Variants in COX7A2L observed in about 807,000 individuals in gnomAD.
COX7A2L encodes cytochrome c oxidase subunit 7A2 like, also known as cytochrome c oxidase subunit 7A2-like, mitochondrial.
Under a neutral mutation model 14.2 loss-of-function variants are expected in COX7A2L, and 18 were observed. The ratio of observed to expected loss-of-function variants is 1.27; its 90% CI spans 0.88 to 1.88. The LOEUF (loss-of-function observed/expected upper bound fraction) is 1.88. Ranked by LOEUF, COX7A2L falls within the 40% of genes most tolerant of loss-of-function variation. COX7A2L has a pLI of 0.00. For missense variants in COX7A2L, 179 were observed against 138.8 expected (o/e 1.29, Z -1.46); for synonymous variants, 65 against 57.4 (o/e 1.13, Z -0.60).
At chr2:42,352,206 G>C (rs1403250428) in intron 2 of COX7A2L, among the ~76,000 whole-genome samples, 1 of 152,136 alleles carries the variant, frequency 6.6e-6, no homozygotes, top group Non-Finnish European at 1.5e-5. Context: ...GTCTCACTCT[G>C]CTACCCAGGC....
At chr2:42,356,651 G>C (rs1296140279) in intron 1 of COX7A2L, among the ~76,000 whole-genome samples, 1 of 152,222 alleles carries the variant, frequency 6.6e-6, no homozygotes, top group East Asian at 1.9e-4. Flanking sequence ...GACAGGCTGG[G>C]CGTAATGGCT....
At chr2:42,366,228 G>C (rs577920375) in intron 1 of COX7A2L, among the ~76,000 whole-genome samples, 3 of 152,114 alleles carry the variant, frequency 2.0e-5, no homozygotes, top group Non-Finnish European at 4.4e-5. Context: ...CCAGCAGTAC[G>C]AGACCAGCCT....
chr2:42,356,070 C>G (rs1475072263), intron 1 of COX7A2L, among the ~76,000 whole-genome samples: 1 of 152,066 alleles, frequency 6.6e-6, no homozygotes, highest in Non-Finnish European at 1.5e-5. Flanking sequence ...TGCTTTGTCA[C>G]TCAGGCTGGA....
In COX7A2L at chr2:42,353,276, G is replaced by C. The variant is rs750555110; in HGVS notation, c.140C>G (p.Ser47Cys). 3.1e-6 allele frequency: 5 copies of C among 1,614,158 alleles called. No individual in the cohort carries two copies. The South Asian group carries it at 5.5e-5, about 18-fold the overall frequency. The change falls in exon 2 of 3, where the codon TCC (serine) becomes TGC (cysteine). Residue 47 changes from serine to cysteine, a missense_variant. Transcript: ENST00000234301. ...IIFATPTKLT[S>C]DSTVYDYAGK... Reference sequence around the variant, plus strand: ...AGCATAATCATACACTGTGGAATCGGAGGTCAGTTTAGTTGGTGTGGCAAA... The same window carrying C: ...AGCATAATCATACACTGTGGAATCGCAGGTCAGTTTAGTTGGTGTGGCAAA...
intron 1 of COX7A2L, chr2:42,360,798 C>A: frequency 1.2e-5 from 5 of 428,444 alleles, no homozygotes; most frequent in East Asian, 5.1e-5. Flanking sequence ...ACACTGGGGA[C>A]CCCCACAAAC....
At chr2:42,353,154 G>T in intron 2 of COX7A2L, 58 bp downstream of exon 2, 2 of 1,579,966 alleles carry the variant, frequency 1.3e-6, no homozygotes, top group Admixed American at 1.9e-5. Context: ...GTTTCATAAG[G>T]GATTTTTTAA....
intron 2 of COX7A2L, among the ~76,000 whole-genome samples, chr2:42,341,703 G>C (rs901768692): frequency 3.9e-5 from 6 of 152,200 alleles, no homozygotes; most frequent in Admixed American, 3.3e-4. Flanking sequence ...TATAAACAAA[G>C]GCTGCTCTGT....
At chr2:42,340,464 T>C (rs927827638) in intron 2 of COX7A2L, among the ~76,000 whole-genome samples, 1 of 152,102 alleles carries the variant, frequency 6.6e-6, no homozygotes, top group African/African-American at 2.4e-5. Flanking sequence ...AACAAAAACA[T>C]CCTTGCTGGA....
chr2:42,344,615 G>A (rs1368004880), downstream of COX7A2L, among the ~76,000 whole-genome samples: 1 of 152,206 alleles, frequency 6.6e-6, no homozygotes, highest in African/African-American at 2.4e-5. Context: ...CAGTTTGGGA[G>A]GCTGAGGTGG....
intron 1 of COX7A2L, among the ~76,000 whole-genome samples, chr2:42,358,842 G>T (rs1670916290): frequency 6.6e-6 from 1 of 152,076 alleles, no homozygotes; most frequent in Non-Finnish European, 1.5e-5. Flanking sequence ...TATATTAAAA[G>T]AACATAAACC....
At position 42,355,717 on chromosome 2, in the gene COX7A2L, C is replaced by CTTTTTTTTTTTTTT. The variant is rs386390054; in HGVS notation, c.73-2388_73-2375dup. Among the ~76,000 whole-genome samples, 38 of 69,052 alleles carry CTTTTTTTTTTTTTT rather than the reference C, an allele frequency of 5.5e-4. 10 individuals are homozygous for CTTTTTTTTTTTTTT. The highest frequency in any genetic ancestry group is 2.1e-3 in the African/African-American group (35 of 16,904). The allele number at this position is 69,052 out of a possible 152,430, so 45.3% of individuals were successfully genotyped here. On this transcript the variant is annotated intron_variant, in intron 1 of 2. Transcript: ENST00000234301. Reference sequence around the variant, plus strand: ...CAGTCACAGTGTAAAATCCTACGTTCTTTTTTTTTTTTTTTTTTTTTTTTT... The same window carrying CTTTTTTTTTTTTTT: ...CAGTCACAGTGTAAAATCCTACGTTCTTTTTTTTTTTTTTTTTTTTTTTTTTTTTTTTTTTTTTT...
chr2:42,363,846 G>C (rs1446753012), upstream of COX7A2L, among the ~76,000 whole-genome samples: 2 of 152,194 alleles, frequency 1.3e-5, no homozygotes, highest in Non-Finnish European at 2.9e-5. Context: ...CAGGTGAACT[G>C]AGTGAGTGCA....
At position 42,339,697 on chromosome 2, in the gene COX7A2L, C is replaced by G. The variant is rs146755857; in HGVS notation, c.193-5828G>C. Reference sequence around the variant, plus strand: ...AGCGCATTGTGCACACATATACACCCACACAGCCACCCCTGGAGGAAGACC... The same window carrying G: ...AGCGCATTGTGCACACATATACACCGACACAGCCACCCCTGGAGGAAGACC... On this transcript the variant is annotated intron_variant, in intron 2 of 2. Coordinates refer to the COX7A2L transcript ENST00000468711. The surrounding 1 kb of genome is among the most constrained non-coding windows in gnomAD (Gnocchi z 5.4). Among the ~76,000 whole-genome samples, 442 of 152,300 alleles carry G rather than the reference C, an allele frequency of 2.9e-3. 3 individuals carry two copies. The highest frequency in any genetic ancestry group is 6.8e-3 in the Middle Eastern group (2 of 294).
chr2:42,352,337 GT>G lies in COX7A2L; in HGVS notation c.204+874del, dbSNP rs376373000. ...GACGCGTGCCTATACACTCAGCTAA[GT>G]TTTTTTGTAGAGGCAGGGTCTCGTT... On this transcript the variant is annotated intron_variant, in intron 2 of 2. Transcript: ENST00000234301. 5.7e-4 allele frequency among the ~76,000 whole-genome samples: 87 copies of G among 152,122 alleles called. 1 individual carries two copies. The East Asian group carries it at 8.9e-3, about 16-fold the overall frequency.
chr2:42,336,874 GATATAT>G (rs956609865), intron 2 of COX7A2L, among the ~76,000 whole-genome samples: 5 of 152,148 alleles, frequency 3.3e-5, no homozygotes, highest in Non-Finnish European at 7.3e-5. Context: ...CCATTCATCA[GATATAT>G]ATTAAGAACC....
chr2:42,353,063 G>A (rs1280411815), intron 2 of COX7A2L, 149 bp downstream of exon 2: 20 of 960,332 alleles, frequency 2.1e-5, no homozygotes, highest in South Asian at 6.9e-5. Flanking sequence ...AGTTCTATTC[G>A]TTTATGGCTC....
At chr2:42,352,194 G>A (rs779226334) in intron 2 of COX7A2L, among the ~76,000 whole-genome samples, 1 of 152,050 alleles carries the variant, frequency 6.6e-6, no homozygotes, top group Admixed American at 6.5e-5. Flanking sequence ...TTTAGAGACT[G>A]GGTCTCACTC....
chr2:42,361,505 C>A (rs1315822570), upstream of COX7A2L: 3 of 197,600 alleles, frequency 1.5e-5, no homozygotes, highest in Admixed American at 6.2e-5. Context: ...CTAAGCCCGG[C>A]GGACTAAGCC....
downstream of COX7A2L, among the ~76,000 whole-genome samples, chr2:42,347,758 C>A (rs1448453298): frequency 6.6e-6 from 1 of 152,112 alleles, no homozygotes; most frequent in Non-Finnish European, 1.5e-5. Context: ...CCCGTCTCTA[C>A]TAAAAATACA....
Sources: gnomAD v4.1 joint callset for allele counts (sites outside exome capture counted in the v4.1 genomes callset) on GRCh38, gnomAD v4.1.1 for gene constraint, Gnocchi (gnomAD v3.1) non-coding constraint, MANE v1.5 for transcripts, NCBI Gene and HGNC (gene_info 2026-07-23, HGNC 2026-07-21) for gene names.